TAFA1: variants seen among roughly 807,000 people sequenced by gnomAD.
TAFA1 encodes chemokine-like protein TAFA-1.
TAFA1 carries 4 observed loss-of-function variants against 18.5 expected under a neutral mutation model. The ratio of observed to expected loss-of-function variants is 0.22; its 90% CI spans 0.11 to 0.49. TAFA1 has a LOEUF of 0.49. Among genes scored for constraint, TAFA1 ranks in the 20% least tolerant of loss-of-function variants. The pLI is 0.98. For missense variants in TAFA1, 147 were observed against 169.0 expected (o/e 0.87, Z 0.72); for synonymous variants, 56 against 55.2 (o/e 1.01, Z -0.06).
chr3:68,302,992 T>G (rs1038163508), intron 2 of TAFA1, among the ~76,000 whole-genome samples: 2 of 152,206 alleles, frequency 1.3e-5, no homozygotes, highest in Admixed American at 6.5e-5. Flanking sequence ...GGGAAAAATA[T>G]TAGTAATCTA....
In TAFA1 at chr3:68,409,613, A is replaced by G. The variant is rs78328224; in HGVS notation, c.119-7667A>G. On this transcript the variant is annotated intron_variant, in intron 2 of 4. Coordinates refer to ENST00000478136, the MANE Select transcript of TAFA1 (RefSeq NM_213609.4). The stretch of plus-strand genomic sequence containing the variant: ...TCAGTTAAACCTCTTTTATTTATAA[A>G]TTACGCAGTCTCTGGTAGTATCTTT... 1.1e-3 allele frequency among the ~76,000 whole-genome samples: 171 copies of G among 152,334 alleles called. 2 individuals are homozygous for G. The East Asian group carries it at 0.028, about 25-fold the overall frequency.
intron 2 of TAFA1, among the ~76,000 whole-genome samples, chr3:68,374,880 C>T (rs551770742): frequency 7.9e-5 from 12 of 152,032 alleles, no homozygotes; most frequent in Admixed American, 1.3e-4. Context: ...CTTTATGGAT[C>T]GCATTACTTT....
intron 2 of TAFA1, among the ~76,000 whole-genome samples, chr3:68,256,239 C>T (rs2067295508): frequency 6.6e-6 from 1 of 151,988 alleles, no homozygotes; most frequent in Non-Finnish European, 1.5e-5. Context: ...GAGGAGTTTC[C>T]ACAGTTGTAA....
upstream of TAFA1, among the ~76,000 whole-genome samples, chr3:68,001,786 C>G (rs1704286384): frequency 6.6e-6 from 1 of 152,072 alleles, no homozygotes; most frequent in Non-Finnish European, 1.5e-5. Context: ...GCTGCAATAA[C>G]AAATAACTCC....
chr3:68,070,438 A>G (rs1406684007), intron 2 of TAFA1, among the ~76,000 whole-genome samples: 1 of 152,198 alleles, frequency 6.6e-6, no homozygotes, highest in Non-Finnish European at 1.5e-5. Flanking sequence ...CTAGGAAACC[A>G]TCTTGTCCAC....
intron 2 of TAFA1, among the ~76,000 whole-genome samples, chr3:68,176,769 G>T (rs1166414344): frequency 6.6e-6 from 1 of 152,138 alleles, no homozygotes; most frequent in Non-Finnish European, 1.5e-5. Flanking sequence ...CATTAGAATG[G>T]TGTCACCAGC....
intron 3 of TAFA1, among the ~76,000 whole-genome samples, chr3:68,436,617 A>G (rs1035528026): frequency 2.0e-5 from 3 of 152,152 alleles, no homozygotes. Flanking sequence ...TGTAGTCCCC[A>G]AGCAGGTAAG....
At chr3:68,454,306 T>G (rs1458253965) in intron 3 of TAFA1, among the ~76,000 whole-genome samples, 1 of 152,168 alleles carries the variant, frequency 6.6e-6, no homozygotes, top group Non-Finnish European at 1.5e-5. Flanking sequence ...CTGAACTTGA[T>G]TTTACTAGCA....
intron 3 of TAFA1, among the ~76,000 whole-genome samples, chr3:68,434,334 C>G (rs1323193073): frequency 2.0e-5 from 3 of 152,048 alleles, no homozygotes; most frequent in Admixed American, 2.0e-4. Context: ...TGTCTAAATA[C>G]AGCCTCTTCT....
intron 2 of TAFA1, among the ~76,000 whole-genome samples, chr3:68,335,518 G>A (rs1197338469): frequency 6.6e-6 from 1 of 152,088 alleles, no homozygotes; most frequent in South Asian, 2.1e-4. Flanking sequence ...ATTAAAATGG[G>A]TTTCAGATGC....
chr3:68,138,702 T>C (rs770078327), intron 2 of TAFA1, among the ~76,000 whole-genome samples: 36 of 152,340 alleles, frequency 2.4e-4, no homozygotes, highest in Non-Finnish European at 3.2e-4. Flanking sequence ...AAACTCCGTC[T>C]ACATGAGCAG....
chr3:68,035,947 A>T (rs1282173738), intron 2 of TAFA1, among the ~76,000 whole-genome samples: 3 of 152,208 alleles, frequency 2.0e-5, no homozygotes, highest in African/African-American at 7.2e-5. Context: ...ACTTATGTGC[A>T]TTCTGGAAAA....
At chr3:68,335,669 C>T (rs1477602013) in intron 2 of TAFA1, among the ~76,000 whole-genome samples, 1 of 152,036 alleles carries the variant, frequency 6.6e-6, no homozygotes, top group Non-Finnish European at 1.5e-5. Context: ...CACATATAAT[C>T]ATATCCCAAC....
chr3:68,358,970 A>C (rs2106789655), intron 2 of TAFA1, among the ~76,000 whole-genome samples: 1 of 152,118 alleles, frequency 6.6e-6, no homozygotes, highest in Non-Finnish European at 1.5e-5. Flanking sequence ...ATCTTCTGTC[A>C]AGGCTATGGC....
chr3:68,506,133 T>C (rs1480259487), intron 3 of TAFA1, among the ~76,000 whole-genome samples: 1 of 152,046 alleles, frequency 6.6e-6, no homozygotes, highest in Non-Finnish European at 1.5e-5. Flanking sequence ...AGTGAGAACA[T>C]CTGGTGTTGG....
chr3:68,459,298 C>T (rs2071729527), intron 3 of TAFA1, among the ~76,000 whole-genome samples: 1 of 152,066 alleles, frequency 6.6e-6, no homozygotes, highest in South Asian at 2.1e-4. Flanking sequence ...ACCTGTAGGA[C>T]AATAAGCAAT....
At chr3:68,054,121 T>C (rs1267802581) in intron 2 of TAFA1, among the ~76,000 whole-genome samples, 1 of 152,164 alleles carries the variant, frequency 6.6e-6, no homozygotes, top group African/African-American at 2.4e-5. Flanking sequence ...TGGCAAACTA[T>C]GTTGCTATAG....
At chr3:68,092,903 G>T (rs1001581846) in intron 2 of TAFA1, among the ~76,000 whole-genome samples, 6 of 152,108 alleles carry the variant, frequency 3.9e-5, no homozygotes, top group Non-Finnish European at 1.5e-5. Context: ...TAGCTTTATT[G>T]TCTCTGCTGA....
At chr3:68,035,382 A>C (rs757440644) in intron 2 of TAFA1, among the ~76,000 whole-genome samples, 3 of 152,298 alleles carry the variant, frequency 2.0e-5, no homozygotes, top group Middle Eastern at 3.4e-3. Flanking sequence ...TTAAATATTT[A>C]ATATATTTGG....
Sources: gnomAD v4.1 joint callset for allele counts (sites outside exome capture counted in the v4.1 genomes callset) on GRCh38, gnomAD v4.1.1 for gene constraint, MANE v1.5 for transcripts, NCBI Gene and HGNC (gene_info 2026-07-23, HGNC 2026-07-21) for gene names.